The following LY75 variants were observed in gnomAD, a reference collection of about 807,000 sequenced individuals.
LY75 encodes lymphocyte antigen 75.
A neutral mutation model predicts 231.7 loss-of-function variants in LY75; 185 were observed. That is an observed-to-expected ratio of 0.80 (90% confidence interval 0.71 to 0.90). LY75 has a LOEUF of 0.90. LY75 is among the 40% of genes least tolerant of loss of function. The probability of loss-of-function intolerance (pLI) is 0.00; values close to 1 mark genes in which losing one functional copy is unlikely to be tolerated. For missense variants in LY75, 1,947 were observed against 2,050.2 expected, an observed-to-expected ratio of 0.95 and a Z score of 0.97; for synonymous variants, 668 against 689.0, an observed-to-expected ratio of 0.97 and a Z score of 0.48.
chr2:159,830,976 T>C (rs1217550669), intron 28 of LY75, among the ~76,000 whole-genome samples: 1 of 152,250 alleles, frequency 6.6e-6, no homozygotes, highest in Non-Finnish European at 1.5e-5. Flanking sequence ...AGAGTGATTC[T>C]GTTCTTGCTC....
intron 16 of LY75, among the ~76,000 whole-genome samples, chr2:159,856,236 G>T (rs1040686869): frequency 3.3e-5 from 5 of 152,136 alleles, no homozygotes; most frequent in African/African-American, 1.2e-4. Context: ...GGCATCATAG[G>T]TAATTTTCCT....
intron 28 of LY75, among the ~76,000 whole-genome samples, chr2:159,827,422 C>A (rs1019106154): frequency 2.0e-5 from 3 of 152,142 alleles, no homozygotes; most frequent in African/African-American, 7.2e-5. Flanking sequence ...CCATCTCATG[C>A]CAGTTAGAAT....
At chr2:159,855,837 G>A (rs1176158654) in intron 16 of LY75, among the ~76,000 whole-genome samples, 1 of 152,172 alleles carries the variant, frequency 6.6e-6, no homozygotes, top group Non-Finnish European at 1.5e-5. Flanking sequence ...GACATCATTT[G>A]CTTAATCTTA....
intron 32 of LY75, among the ~76,000 whole-genome samples, chr2:159,810,257 C>T (rs1280479949): frequency 4.0e-5 from 6 of 151,412 alleles, no homozygotes; most frequent in Non-Finnish European, 8.8e-5. Context: ...TGGTCTTGAT[C>T]TCTTGACCTC....
intron 13 of LY75, among the ~76,000 whole-genome samples, chr2:159,867,150 C>T (rs1684881803): frequency 6.6e-6 from 1 of 152,094 alleles, no homozygotes. Flanking sequence ...TTCATTTGAA[C>T]ACAGAAATTT....
rs143027780 is a variant in LY75 at position 159,847,748 on chromosome 2, G to T, written c.3150+2232C>A. The stretch of plus-strand genomic sequence containing the variant: ...GGACAATCACAATATGCTGTGAATA[G>T]GAATGTAAATTCATAAACCTTTCTG... On this transcript the variant is annotated intron_variant, in intron 23 of 34. Coordinates refer to ENST00000263636, the MANE Select transcript of LY75 (RefSeq NM_002349.4). Among the ~76,000 whole-genome samples, 405 of 152,216 alleles carry T rather than the reference G, an allele frequency of 2.7e-3. 2 individuals carry two copies. Among genetic ancestry groups the T allele is most frequent in the African/African-American group, 9.2e-3 (381 of 41,524 alleles).
intron 3 of LY75, among the ~76,000 whole-genome samples, chr2:159,893,057 C>G (rs1685807758): frequency 6.6e-6 from 1 of 152,164 alleles, no homozygotes; most frequent in East Asian, 1.9e-4. Context: ...AGCTCCTGAT[C>G]TAGGACTCAA....
At chr2:159,896,280 A>G (rs1474741638) in intron 2 of LY75, among the ~76,000 whole-genome samples, 1 of 152,250 alleles carries the variant, frequency 6.6e-6, no homozygotes. Flanking sequence ...AGTCAAAAGC[A>G]GTTCACTCAT....
chr2:159,848,093 T>TATACACACACACACAC, intron 23 of LY75, among the ~76,000 whole-genome samples: 11 of 28,554 alleles, frequency 3.9e-4, no homozygotes, highest in South Asian at 8.7e-4. Flanking sequence ...TATATATATA[T>TATACACACACACACAC]ACACACACAC....
intron 24 of LY75, among the ~76,000 whole-genome samples, chr2:159,841,675 C>G (rs1452174140): frequency 6.6e-6 from 1 of 151,926 alleles, no homozygotes; most frequent in African/African-American, 2.4e-5. Context: ...GTTTCAAACC[C>G]CCACTTGTTT....
At chr2:159,859,744 G>A (rs1195604071) in intron 15 of LY75, among the ~76,000 whole-genome samples, 1 of 152,118 alleles carries the variant, frequency 6.6e-6, no homozygotes, top group Non-Finnish European at 1.5e-5. Context: ...ATTACTCACA[G>A]CTCAAATTTC....
At chr2:159,889,000 A>G (rs1685672728) in intron 4 of LY75, among the ~76,000 whole-genome samples, 3 of 152,150 alleles carry the variant, frequency 2.0e-5, no homozygotes, top group Admixed American at 2.0e-4. Context: ...ATCATATATT[A>G]CAATTATTTG....
intron 31 of LY75, chr2:159,812,245 T>C (rs943338545): frequency 1.3e-5 from 2 of 151,924 alleles, no homozygotes; most frequent in African/African-American, 4.8e-5. Context: ...TGCGTACATT[T>C]TTTTTTCTTC....
chr2:159,841,963 A>G (rs773353157), intron 24 of LY75, among the ~76,000 whole-genome samples: 1 of 152,106 alleles, frequency 6.6e-6, no homozygotes, highest in Non-Finnish European at 1.5e-5. Flanking sequence ...CACTAACCCA[A>G]TATGGATTTA....
intron 34 of LY75, among the ~76,000 whole-genome samples, chr2:159,806,182 A>G (rs1187348043): frequency 1.3e-5 from 2 of 152,194 alleles, no homozygotes; most frequent in African/African-American, 2.4e-5. Context: ...TCTTTAAAAA[A>G]TTGACCTGTT....
chr2:159,873,356 A>G (rs879158016), intron 12 of LY75, among the ~76,000 whole-genome samples: 6 of 152,160 alleles, frequency 3.9e-5, no homozygotes, highest in Admixed American at 3.9e-4. Context: ...TACTGTGTTG[A>G]TGGGATATTA....
chr2:159,834,335 C>T (rs1457229243), intron 26 of LY75, 124 bp from the exon 27 acceptor site: 5 of 1,278,002 alleles, frequency 3.9e-6, no homozygotes, highest in African/African-American at 1.5e-5. Context: ...CTGGTGAAGC[C>T]TGTCTCTGTT....
intron 1 of LY75, chr2:159,903,443 T>C (rs1686139401): frequency 6.6e-6 from 1 of 152,182 alleles, no homozygotes; most frequent in South Asian, 2.1e-4. Flanking sequence ...ATTCTTTTGG[T>C]AGTTCCTAGC....
intron 25 of LY75, among the ~76,000 whole-genome samples, chr2:159,837,074 G>C (rs1258927644): frequency 1.3e-5 from 2 of 152,214 alleles, no homozygotes; most frequent in African/African-American, 4.8e-5. Flanking sequence ...CCTGCGGAAA[G>C]TAGTTTGGAG....
Sources: allele counts gnomAD v4.1 joint callset (sites outside exome capture counted in the v4.1 genomes callset), GRCh38; gene constraint gnomAD v4.1.1; transcripts MANE v1.5; gene names NCBI Gene and HGNC (gene_info 2026-07-23, HGNC 2026-07-21).